The following FARP1 variants were observed in gnomAD, a reference collection of about 807,000 sequenced individuals.
FARP1 encodes the protein FERM, ARHGEF and pleckstrin domain-containing protein 1.
Under a neutral mutation model 128.8 loss-of-function variants are expected in FARP1, and 52 were observed. The observed-to-expected ratio is 0.40, with a 90% confidence interval of 0.32 to 0.51. The LOEUF (loss-of-function observed/expected upper bound fraction) is 0.51, where lower values mean the gene tolerates loss of function less well. Ranked by LOEUF, FARP1 falls within the 20% of genes least tolerant of loss-of-function variation. The pLI, the probability that FARP1 is intolerant of heterozygous loss-of-function variation, is 0.45. For synonymous variants in FARP1, 580 were observed against 551.8 expected (o/e 1.05, Z -0.72); for missense variants, 1,333 against 1,367.9 (o/e 0.97, Z 0.40).
chr13:98,209,971 G>C (rs1465190512), intron 1 of FARP1, among the ~76,000 whole-genome samples: 5 of 151,152 alleles, frequency 3.3e-5, no homozygotes, highest in Admixed American at 3.3e-4. Flanking sequence ...AACAGAGTTT[G>C]AGATTCCATT....
intron 19 of FARP1, chr13:98,435,990 G>T (rs1892253516): frequency 5.3e-6 from 2 of 376,502 alleles, no homozygotes; most frequent in East Asian, 6.7e-5. Flanking sequence ...ATTTGAGATT[G>T]CTTATTTTAT....
At chr13:98,216,972 A>G (rs1168376833) in intron 2 of FARP1, among the ~76,000 whole-genome samples, 1 of 152,230 alleles carries the variant, frequency 6.6e-6, no homozygotes, top group East Asian at 1.9e-4. Flanking sequence ...ACCAGAGGTT[A>G]TGAAACAGAG....
chr13:98,446,033 C>G (rs1892811287), intron 24 of FARP1, 65 bp from the exon 25 acceptor site: 7 of 1,105,942 alleles, frequency 6.3e-6, no homozygotes, highest in Non-Finnish European at 9.6e-6. Flanking sequence ...GCAGGGAGAG[C>G]TGCTCTCTGT....
chr13:98,416,971 G>A (rs1188111320), intron 16 of FARP1, among the ~76,000 whole-genome samples: 2 of 152,218 alleles, frequency 1.3e-5, no homozygotes, highest in African/African-American at 4.8e-5. Context: ...CACGTGGAAA[G>A]CATGCGGGAG....
intron 2 of FARP1, among the ~76,000 whole-genome samples, chr13:98,246,158 A>T (rs1433209756): frequency 3.3e-5 from 4 of 121,084 alleles, no homozygotes; most frequent in Admixed American, 1.1e-4. Flanking sequence ...GCAGTGGCGC[A>T]ATCTCGGCTC....
chr13:98,388,455 A>G lies in FARP1; in HGVS notation c.832A>G (p.Ile278Val), dbSNP rs1273867574. 6.2e-7 allele frequency: 1 copy of G among 1,613,754 alleles called. No homozygotes were observed. Among genetic ancestry groups the G allele is most frequent in the Middle Eastern group, 1.6e-4 (1 of 6,080 alleles). ...KLSFKRKRFL[I>V]KLRPDANSAY... ...GAGCTTCAAGAGGAAGCGCTTTCTC[A>G]TCAAGCTCCGGCCAGATGCCAATGT... The change falls in exon 9 of 27, where the codon ATC (isoleucine) becomes GTC (valine). Residue 278 changes from isoleucine (I) to valine (V), a missense_variant. By Grantham distance (29) the Ile-to-Val change is conservative. Around this residue, in one of 2 missense-constraint regions of FARP1, gnomAD observed 324 missense variants for 398.1 expected, o/e 0.81. Transcript: ENST00000319562.
chr13:98,210,976 G>A (rs9517217), intron 1 of FARP1, among the ~76,000 whole-genome samples: 2,638 of 152,288 alleles, frequency 0.017, 26 homozygotes, highest in Middle Eastern at 0.048. Flanking sequence ...GGCACTTCAA[G>A]CATGAATTGT....
chr13:98,317,116 A>G (rs1886754190), intron 2 of FARP1, among the ~76,000 whole-genome samples: 1 of 152,138 alleles, frequency 6.6e-6, no homozygotes, highest in Admixed American at 6.5e-5. Flanking sequence ...GCCACTCCCT[A>G]TTTCTAGCGT....
Position 98,213,280 on chromosome 13 carries a change from G to A in FARP1, c.38G>A (p.Arg13Gln), listed in dbSNP as rs2139326186. 7 of 1,614,056 alleles carry A rather than the reference G, an allele frequency of 4.3e-6. No homozygotes were observed. In the South Asian group the frequency reaches 5.5e-5, roughly 13 times the overall value. ...EIEQRPTPGS[R>Q]LGAPENSGIS... Reference sequence around the variant, plus strand: ...GAGCAGAGGCCGACCCCAGGATCACGACTGGGGGCCCCGGAAAATTCGGGG... The same window carrying A: ...GAGCAGAGGCCGACCCCAGGATCACAACTGGGGGCCCCGGAAAATTCGGGG... Residue 13 changes from arginine (R) to glutamine (Q), a missense_variant, in exon 2 of 27, where the codon CGA becomes CAA. Around this residue, in one of 2 missense-constraint regions of FARP1, gnomAD observed 324 missense variants for 398.1 expected, o/e 0.81. Coordinates refer to ENST00000319562, the MANE Select transcript of FARP1 (RefSeq NM_005766.4).
chr13:98,441,742 C>T (rs761064843), intron 24 of FARP1, among the ~76,000 whole-genome samples: 3 of 152,118 alleles, frequency 2.0e-5, no homozygotes, highest in Non-Finnish European at 4.4e-5. Context: ...TTCAATGACC[C>T]GCCTTAAGGA....
chr13:98,384,545 C>G (rs1566939976), intron 6 of FARP1, 185 bp from the exon 7 acceptor site: 1 of 598,422 alleles, frequency 1.7e-6, no homozygotes, highest in Non-Finnish European at 3.0e-6. Flanking sequence ...ACTGTCTTCT[C>G]ACATCACCAC....
intron 2 of FARP1, among the ~76,000 whole-genome samples, chr13:98,340,421 T>C (rs1202591899): frequency 1.3e-5 from 2 of 151,540 alleles, no homozygotes; most frequent in African/African-American, 4.8e-5. Flanking sequence ...CTCGGCTCAC[T>C]GCAACCTCCG....
chr13:98,295,091 A>ATCC (rs2139678159), intron 2 of FARP1, among the ~76,000 whole-genome samples: 1 of 59,666 alleles, frequency 1.7e-5, no homozygotes, highest in Non-Finnish European at 3.5e-5. Context: ...ACACACACAC[A>ATCC]CACACACACA....
chr13:98,446,602 G>A, intron 25 of FARP1, 64 bp from the exon 26 acceptor site: 1 of 1,546,390 alleles, frequency 6.5e-7, no homozygotes, highest in Non-Finnish European at 8.9e-7. Flanking sequence ...ATGCGGGGCA[G>A]CAGCCAGGCC....
intron 2 of FARP1, among the ~76,000 whole-genome samples, chr13:98,220,375 T>C (rs1354929937): frequency 6.6e-6 from 1 of 152,234 alleles, no homozygotes; most frequent in African/African-American, 2.4e-5. Flanking sequence ...TGCCCAGAAC[T>C]GCTTTTGCCG....
intron 2 of FARP1, among the ~76,000 whole-genome samples, chr13:98,275,102 A>G (rs1209833416): frequency 6.6e-6 from 1 of 152,184 alleles, no homozygotes; most frequent in Admixed American, 6.5e-5. Flanking sequence ...TGAAAGTAAC[A>G]TGATATCTGT....
chr13:98,400,083 C>G (rs1397134387), intron 13 of FARP1: 2 of 152,156 alleles, frequency 1.3e-5, no homozygotes, highest in African/African-American at 4.8e-5. Flanking sequence ...TTATCTCCCC[C>G]CAATTGTGCC....
chr13:98,379,153 T>TATATATATAATATATAATCTATATATA lies in FARP1; in HGVS notation c.496+1254_496+1280dup, dbSNP rs1566935179. Among the ~76,000 whole-genome samples the TATATATATAATATATAATCTATATATA allele has an allele frequency of 5.2e-4, 38 of 72,984 alleles. 6 individuals carry two copies. The South Asian group carries it at 7.3e-3, about 14-fold the overall frequency. The allele number at this position is 72,984 out of a possible 152,430, so 47.9% of individuals were successfully genotyped here. A position where few individuals can be genotyped will look rare whatever the true frequency, so the allele number is the denominator to read the frequency against. On this transcript the variant is annotated intron_variant, in intron 6 of 26. Coordinates refer to ENST00000319562, the MANE Select transcript of FARP1 (RefSeq NM_005766.4). ...TATATAATATATAATCTATATATAA[T>TATATATATAATATATAATCTATATATA]ATATATATAATATATAATCTATATA...
chr13:98,371,846 A>G (rs951364374), intron 5 of FARP1, among the ~76,000 whole-genome samples: 2 of 152,156 alleles, frequency 1.3e-5, no homozygotes, highest in African/African-American at 4.8e-5. Flanking sequence ...TCTGTAGTTA[A>G]TGCTTTGGGC....
Sources: allele counts gnomAD v4.1 joint callset (sites outside exome capture counted in the v4.1 genomes callset), GRCh38; gene constraint gnomAD v4.1.1; regional missense constraint gnomAD v4.1.1; transcripts MANE v1.5; gene names NCBI Gene and HGNC (gene_info 2026-07-23, HGNC 2026-07-21).